The following ABCC8 variants were observed in gnomAD, a reference collection of about 807,000 sequenced individuals.
The protein encoded by ABCC8 is ATP binding cassette subfamily C member 8, also known as ATP-binding cassette sub-family C member 8.
In ABCC8, 137 loss-of-function variants were observed where a neutral mutation model predicts 188.0. That is an observed-to-expected ratio of 0.73 (90% CI 0.63 to 0.84). The LOEUF (loss-of-function observed/expected upper bound fraction) is 0.84, where lower values mean the gene tolerates loss of function less well. ABCC8 is among the 40% of genes least tolerant of loss of function. The probability of loss-of-function intolerance (pLI) is 0.00; values close to 1 mark genes in which losing one functional copy is unlikely to be tolerated. For missense variants in ABCC8, 1,750 were observed against 2,072.7 expected (o/e 0.84, Z 3.02); for synonymous variants, 797 against 846.5 (o/e 0.94, Z 1.01).
rs891193275 is a variant in ABCC8, at chr11:17,413,617, G to A, written c.2391-139C>T. 86 of 1,548,006 alleles carry A rather than the reference G, an allele frequency of 5.6e-5. 1 individual carries two copies. Among genetic ancestry groups the A allele is most frequent in the Non-Finnish European group, 7.2e-5 (82 of 1,136,258 alleles). On this transcript the variant is annotated intron_variant, in intron 19 of 38. Coordinates refer to ENST00000389817, the MANE Select transcript of ABCC8 (RefSeq NM_000352.6). ...TAATAGGCCTCCCGCTTGGGTGCAA[G>A]CAAACACCGTGTGAGCTTGAAAAGA... is the stretch of plus-strand genomic sequence containing the variant.
At chr11:17,460,415 T>A in intron 6 of ABCC8, 73 bp downstream of exon 6, 2 of 1,608,712 alleles carry the variant, frequency 1.2e-6, no homozygotes, top group African/African-American at 2.7e-5. Context: ...TCACACACAT[T>A]GGCCTGTTGC....
rs533869746 is a variant in ABCC8 at position 17,412,929 on chromosome 11, C to G, written c.2476-183G>C. On this transcript the variant is annotated intron_variant, in intron 20 of 38. Transcript: ENST00000389817. The stretch of plus-strand genomic sequence containing the variant: ...ACTGAATTCATTCAGAAGAGGGCAG[C>G]ATGAGCCCCAAGTCTTTAAAGATTC... 7 of 1,332,580 alleles carry G rather than the reference C, an allele frequency of 5.3e-6. No homozygotes were observed. The African/African-American group carries it at 5.8e-5, about 11-fold the overall frequency. The allele number at this position is 1,332,580 out of a possible 1,614,324, so 82.5% of individuals were successfully genotyped here.
intron 3 of ABCC8, among the ~76,000 whole-genome samples, chr11:17,466,133 G>A (rs1848129972): frequency 6.6e-6 from 1 of 152,186 alleles, no homozygotes; most frequent in Non-Finnish European, 1.5e-5. Context: ...AGGCAAGGTG[G>A]CTCTCGCCTG....
Position 17,407,416 on chromosome 11 carries a change from T to G in ABCC8, c.2858A>C (p.Gln953Pro), listed in dbSNP as rs761960758. Residue 953 changes from glutamine to proline, a missense_variant, in exon 24 of 39, where the codon CAG becomes CCG. By Grantham distance (76) the Gln-to-Pro change is moderately conservative (BLOSUM62 -1). Coordinates refer to ENST00000389817, the MANE Select transcript of ABCC8 (RefSeq NM_000352.6). ...CGAGGACATGGCACGAGATAGGCCC[T>G]GGGGTGGCTCTGTGGCTTTTCTCTC... is the stretch of plus-strand genomic sequence containing the variant. ...VTERKATEPPQGLSRAMSSRD... is the reference protein window; with the variant it reads ...VTERKATEPPPGLSRAMSSRD... 6.2e-7 allele frequency: 1 copy of G among 1,614,022 alleles called. No homozygotes were observed. Among genetic ancestry groups the G allele is most frequent in the Admixed American group, 1.7e-5 (1 of 60,002 alleles).
At chr11:17,475,066 C>T (rs1365826547) in intron 1 of ABCC8, 39 bp from the exon 2 acceptor site, 19 of 1,612,844 alleles carry the variant, frequency 1.2e-5, no homozygotes, top group Non-Finnish European at 1.6e-5. Context: ...TGCCTGCCCA[C>T]TTGGAGGAGG....
intron 23 of ABCC8, 35 bp downstream of exon 23, chr11:17,408,357 G>A (rs1290647296): frequency 1.3e-6 from 2 of 1,591,366 alleles, no homozygotes; most frequent in South Asian, 1.1e-5. Context: ...TTTGCATCCA[G>A]GGGTGGCTGC....
intron 6 of ABCC8, among the ~76,000 whole-genome samples, chr11:17,459,850 C>A (rs901571998): frequency 2.6e-5 from 4 of 152,220 alleles, no homozygotes; most frequent in African/African-American, 7.2e-5. Context: ...AGAATCGTTA[C>A]AACTGCCAAG....
At chr11:17,407,566 C>T (rs1954604046) in intron 23 of ABCC8, 113 bp from the exon 24 acceptor site, 1 of 1,545,720 alleles carries the variant, frequency 6.5e-7, no homozygotes, top group South Asian at 1.2e-5. Context: ...TCTACTTTGT[C>T]CCTGCCTGAG....
rs769158098 is a variant in ABCC8 at position 17,448,586 on chromosome 11, A to G, written c.1262T>C (p.Val421Ala). 1.2e-6 allele frequency: 2 copies of G among 1,614,240 alleles called. No individual in the cohort carries two copies. Among genetic ancestry groups the G allele is most frequent in the South Asian group, 2.2e-5 (2 of 91,082 alleles). Reference sequence around the variant, plus strand: ...CATGAGCTGATTGGTGTCGATGGCAACCAGATTACAGATCTGTCCAGCAGT... The same window carrying G: ...CATGAGCTGATTGGTGTCGATGGCAGCCAGATTACAGATCTGTCCAGCAGT... ...EMTAGQICNL[V>A]AIDTNQLMWF... The change falls in exon 8 of 39, where the codon GTT (valine) becomes GCT (alanine). Residue 421 changes from valine (V) to alanine (A), a missense_variant. Transcript: ENST00000389817.
intron 3 of ABCC8, among the ~76,000 whole-genome samples, chr11:17,466,398 CAAAA>C (rs747797902): frequency 4.0e-4 from 20 of 49,852 alleles, no homozygotes; most frequent in Middle Eastern, 0.011. Flanking sequence ...GACTCCATCT[CAAAA>C]AAAAAAAAAA....
intron 3 of ABCC8, among the ~76,000 whole-genome samples, chr11:17,469,153 G>A (rs375103076): frequency 4.0e-5 from 6 of 150,256 alleles, no homozygotes; most frequent in East Asian, 2.0e-4. Flanking sequence ...CTGCAGTGGC[G>A]CGATCTCAGC....
intron 29 of ABCC8, among the ~76,000 whole-genome samples, chr11:17,401,183 AAAC>A (rs1481099226): frequency 6.6e-6 from 1 of 152,232 alleles, no homozygotes; most frequent in Non-Finnish European, 1.5e-5. Context: ...GAAATCACCA[AAAC>A]TTAGAGCAAA....
At position 17,431,142 on chromosome 11, in the gene ABCC8, T is replaced by A. The variant is rs1955830104; in HGVS notation, c.1672-183A>T. ...ATCTCATGGAAACGTCCCCAACAAG[T>A]TCAGGACTTCAAGCTGGAGAGCAGG... is the stretch of plus-strand genomic sequence containing the variant. On this transcript the variant is annotated intron_variant, in intron 11 of 38. Coordinates refer to ENST00000389817, the MANE Select transcript of ABCC8 (RefSeq NM_000352.6). 6.2e-6 allele frequency: 6 copies of A among 973,020 alleles called. No homozygotes were observed. The South Asian group carries it at 9.9e-5, about 16-fold the overall frequency. The allele number at this position is 973,020 out of a possible 1,614,324, so 60.3% of individuals were successfully genotyped here.
chr11:17,462,746 T>C (rs1359236243), intron 4 of ABCC8, among the ~76,000 whole-genome samples: 1 of 151,992 alleles, frequency 6.6e-6, no homozygotes, highest in African/African-American at 2.4e-5. Flanking sequence ...TCAGATGGCT[T>C]GGAGGGAGTC....
chr11:17,395,851 C>A lies in ABCC8; in HGVS notation c.4198+1G>T. 1 of 1,576,732 alleles carries A rather than the reference C, an allele frequency of 6.3e-7. No homozygotes were observed. The highest frequency in any genetic ancestry group is 8.6e-7 in the Non-Finnish European group (1 of 1,160,024). On this transcript the variant is annotated splice_donor_variant, in intron 34 of 38. Coordinates refer to ENST00000389817, the MANE Select transcript of ABCC8 (RefSeq NM_000352.6). LOFTEE classifies it high-confidence loss of function. Reference sequence around the variant, plus strand: ...CGTGGGGTGCCCGCCTTACAACTCACCTTCGAACGTGTCCACCATGCGGAA... The same window carrying A: ...CGTGGGGTGCCCGCCTTACAACTCAACTTCGAACGTGTCCACCATGCGGAA...
rs1954890039 is a variant in ABCC8 at position 17,412,992 on chromosome 11, C to T, written c.2476-246G>A. 5.3e-6 allele frequency: 4 copies of T among 756,032 alleles called. No homozygotes were observed. In the South Asian group the frequency reaches 7.6e-5, roughly 14 times the overall value. 46.8% of individuals were successfully genotyped at this position (756,032 alleles called of 1,614,324 possible). A position where few individuals can be genotyped will look rare whatever the true frequency, so the allele number is the denominator to read the frequency against. ...CTAGGGACCATCTGACCAGTACAAA[C>T]AAAGACAGAGGCAGCAGGGATTAAA... On this transcript the variant is annotated intron_variant, in intron 20 of 38. Coordinates refer to ENST00000389817, the MANE Select transcript of ABCC8 (RefSeq NM_000352.6).
chr11:17,405,546 G>A lies in ABCC8; in HGVS notation c.3347C>T (p.Pro1116Leu), dbSNP rs774661056. The change falls in exon 27 of 39, where the codon CCC becomes CTC. Residue 1116 changes from proline to leucine, a missense_variant. Physicochemically the swap from Pro to Leu is moderately conservative, Grantham distance 98. Transcript: ENST00000389817. ...LAPMRFFETT[P>L]LGSILNRFSS... ...AAATCTGTTCAGGATGCTCCCAAGG[G>A]GCGTGGTCTCAAAAAACCTAAGAGG... 3 of 1,614,202 alleles carry A rather than the reference G, an allele frequency of 1.9e-6. No homozygotes were observed. The South Asian group carries it at 3.3e-5, about 18-fold the overall frequency.
rs767123465 is a variant in ABCC8 at position 17,406,892 on chromosome 11, C to T, written c.3158G>A (p.Ser1053Asn). Residue 1053 changes from serine to asparagine, a missense_variant, in exon 25 of 39, where the codon AGC becomes AAC. By Grantham distance (46) the Ser-to-Asn change is conservative (BLOSUM62 1). Coordinates refer to ENST00000389817, the MANE Select transcript of ABCC8 (RefSeq NM_000352.6). ...LTPAARNCSL[S>N]QECTLDQTVY... ...GCCATGGGCCGCCAGTCACACCTGG[C>T]TGAGGGAGCAGTTCCTGGCTGCAGG... 17 of 1,614,152 alleles carry T rather than the reference C, an allele frequency of 1.1e-5. No homozygotes were observed. The highest frequency in any genetic ancestry group is 1.4e-5 in the Non-Finnish European group (17 of 1,180,050).
At chr11:17,399,875 T>C (rs1231583940) in intron 29 of ABCC8, among the ~76,000 whole-genome samples, 1 of 152,230 alleles carries the variant, frequency 6.6e-6, no homozygotes, top group East Asian at 1.9e-4. Flanking sequence ...ATGTTTTCCC[T>C]GAGTTACTGC....
Sources: gnomAD v4.1 joint callset for allele counts (sites outside exome capture counted in the v4.1 genomes callset) on GRCh38, gnomAD v4.1.1 for gene constraint, MANE v1.5 for transcripts, NCBI Gene and HGNC (gene_info 2026-07-23, HGNC 2026-07-21) for gene names.